ZFAND3: variants seen among roughly 807,000 people sequenced by gnomAD.
ZFAND3 encodes AN1-type zinc finger protein 3.
Under a neutral mutation model 29.6 loss-of-function variants are expected in ZFAND3, and 10 were observed. The ratio of observed to expected loss-of-function variants is 0.34; its 90% CI spans 0.21 to 0.57. The LOEUF is 0.57. ZFAND3 is among the 20% of genes least tolerant of loss of function. ZFAND3 has a pLI of 0.86. For missense variants in ZFAND3, 230 were observed against 304.5 expected (o/e 0.76, Z 1.82); for synonymous variants, 128 against 112.6 (o/e 1.14, Z -0.87).
chr6:38,128,679 TGAGTA>T (rs1478563048), intron 5 of ZFAND3, among the ~76,000 whole-genome samples: 1,366 of 68,926 alleles, frequency 0.02, 17 homozygotes, highest in African/African-American at 0.062. Context: ...CATTTATGGC[TGAGTA>T]TTACTCCATC....
At chr6:38,078,601 G>A (rs535945181) in intron 3 of ZFAND3, among the ~76,000 whole-genome samples, 144 of 152,308 alleles carry the variant, frequency 9.5e-4, no homozygotes, top group Non-Finnish European at 1.6e-3. Flanking sequence ...AAGGAACTTT[G>A]TAATTTTTTT....
At chr6:37,836,119 A>G (rs757519359) in intron 1 of ZFAND3, among the ~76,000 whole-genome samples, 11 of 152,342 alleles carry the variant, frequency 7.2e-5, no homozygotes, top group Non-Finnish European at 1.5e-4. Context: ...GTAGAGTCAC[A>G]TAAGAAGTAT....
intron 1 of ZFAND3, among the ~76,000 whole-genome samples, chr6:37,922,778 T>TA (rs1001699299): frequency 6.6e-6 from 1 of 152,110 alleles, no homozygotes; most frequent in Non-Finnish European, 1.5e-5. Context: ...GCATGAAAGA[T>TA]AAAAAAGTGT....
rs577748498 is a variant in ZFAND3, at chr6:37,846,571, A to G, written c.71+26555A>G. On this transcript the variant is annotated intron_variant, in intron 1 of 5. Coordinates refer to ENST00000287218, the MANE Select transcript of ZFAND3 (RefSeq NM_021943.3). ...AATTGCACGCTTTGACTACTCTTGGACGTTGCAGATATTTACTCCTTAACA... is the reference window on the plus strand; with the variant it reads ...AATTGCACGCTTTGACTACTCTTGGGCGTTGCAGATATTTACTCCTTAACA... Among the ~76,000 whole-genome samples the G allele has an allele frequency of 9.2e-5, 14 of 152,284 alleles. 1 individual carries two copies. In the South Asian group the frequency reaches 2.7e-3, roughly 29 times the overall value.
chr6:38,047,033 C>T (rs1022324999), intron 2 of ZFAND3, among the ~76,000 whole-genome samples: 3 of 151,856 alleles, frequency 2.0e-5, no homozygotes, highest in Admixed American at 6.6e-5. Context: ...GTTTGAAATA[C>T]GACTTCTGGC....
At position 38,152,955 on chromosome 6, in the gene ZFAND3, G is replaced by A; in HGVS notation, c.*566G>A. On this transcript the variant is annotated 3_prime_UTR_variant, in exon 6 of 6. Transcript: ENST00000287218. ...TCACTCTCCCACAGAGCTGGAAATG[G>A]GGGGTGGGGGACAGATTCTTACGGA... 1.0e-6 allele frequency: 1 copy of A among 985,930 alleles called. No homozygotes were observed. Among genetic ancestry groups the A allele is most frequent in the South Asian group, 4.7e-5 (1 of 21,292 alleles). The allele number at this position is 985,930 out of a possible 1,614,324, so 61.1% of individuals were successfully genotyped here.
At chr6:37,846,637 A>G (rs1027524314) in intron 1 of ZFAND3, among the ~76,000 whole-genome samples, 4 of 152,058 alleles carry the variant, frequency 2.6e-5, no homozygotes, top group East Asian at 3.9e-4. Flanking sequence ...TCATCTAGAA[A>G]GAGGTGGAGC....
intron 5 of ZFAND3, among the ~76,000 whole-genome samples, chr6:38,148,896 C>T (rs527753780): frequency 1.9e-4 from 29 of 152,296 alleles, no homozygotes; most frequent in African/African-American, 6.7e-4. Context: ...AAGAATTGAG[C>T]TTAATTTATG....
chr6:38,135,813 C>A (rs760703221), intron 5 of ZFAND3, among the ~76,000 whole-genome samples: 1 of 152,014 alleles, frequency 6.6e-6, no homozygotes, highest in African/African-American at 2.4e-5. Flanking sequence ...GAGGTACACA[C>A]GTAAGAGCTG....
intron 5 of ZFAND3, among the ~76,000 whole-genome samples, chr6:38,126,503 T>C (rs747842709): frequency 3.7e-4 from 57 of 152,354 alleles, no homozygotes; most frequent in South Asian, 6.2e-4. Context: ...TCATTTTATA[T>C]TCCCATTAGC....
intron 1 of ZFAND3, among the ~76,000 whole-genome samples, chr6:37,848,647 G>A (rs887488801): frequency 4.6e-5 from 7 of 152,156 alleles, no homozygotes; most frequent in Non-Finnish European, 7.3e-5. Flanking sequence ...TTGAGTTGTC[G>A]TAACTTAAAC....
intron 2 of ZFAND3, among the ~76,000 whole-genome samples, chr6:37,942,521 T>C (rs1417309387): frequency 1.3e-5 from 2 of 152,152 alleles, no homozygotes; most frequent in Non-Finnish European, 2.9e-5. Flanking sequence ...TGTCAGCCTC[T>C]TTTTATTTTT....
chr6:38,144,218 A>ATTT (rs1554183997), intron 5 of ZFAND3, among the ~76,000 whole-genome samples: 4 of 31,446 alleles, frequency 1.3e-4, no homozygotes, highest in South Asian at 1.4e-3. Context: ...TATAATATAT[A>ATTT]ATATATATAT....
intron 5 of ZFAND3, among the ~76,000 whole-genome samples, chr6:38,136,369 C>T (rs1229542592): frequency 6.6e-6 from 1 of 152,170 alleles, no homozygotes; most frequent in African/African-American, 2.4e-5. Context: ...CTAAAATGTA[C>T]AGTGCCTGGG....
At chr6:38,017,410 A>G (rs528788516) in intron 2 of ZFAND3, among the ~76,000 whole-genome samples, 19 of 152,298 alleles carry the variant, frequency 1.2e-4, no homozygotes, top group Non-Finnish European at 7.4e-5. Flanking sequence ...ATTTGAAGCT[A>G]GTTATTAGTG....
chr6:37,974,554 G>A (rs913840217), intron 2 of ZFAND3, among the ~76,000 whole-genome samples: 7 of 151,932 alleles, frequency 4.6e-5, no homozygotes, highest in African/African-American at 1.2e-4. Context: ...ACAGGCGTGC[G>A]CTCCAACACC....
At position 37,953,506 on chromosome 6, in the gene ZFAND3, G is replaced by T. The variant is rs1484128323; in HGVS notation, c.112+23507G>T. Among the ~76,000 whole-genome samples the T allele has an allele frequency of 5.6e-5, 8 of 143,588 alleles. No individual in the cohort carries two copies. The Admixed American group carries it at 5.8e-4, about 10-fold the overall frequency. 94.2% of individuals were successfully genotyped at this position (143,588 alleles called of 152,430 possible). A position where few individuals can be genotyped will look rare whatever the true frequency, so the allele number is the denominator to read the frequency against. ...CTTGCTCTCTTGCTGAGGCTGGAGT[G>T]CAGTGGTGTGATCATGGCTCACTGC... is the stretch of plus-strand genomic sequence containing the variant. On this transcript the variant is annotated intron_variant, in intron 2 of 5. Coordinates refer to ENST00000287218, the MANE Select transcript of ZFAND3 (RefSeq NM_021943.3).
chr6:37,830,393 G>A (rs1363163485), intron 1 of ZFAND3, among the ~76,000 whole-genome samples: 1 of 152,208 alleles, frequency 6.6e-6, no homozygotes, highest in Non-Finnish European at 1.5e-5. Flanking sequence ...TAATTAATGT[G>A]AAAAGGTGGT....
intron 2 of ZFAND3, among the ~76,000 whole-genome samples, chr6:38,007,810 ATCAGTTTCCGTAGGTAC>A (rs1433056827): frequency 4.6e-5 from 7 of 152,210 alleles, no homozygotes; most frequent in African/African-American, 1.7e-4. Context: ...AGCAACCCAC[ATCAGTTTCCGTAGGTAC>A]TCACAAAGCT....
Sources: gnomAD v4.1 joint callset for allele counts (sites outside exome capture counted in the v4.1 genomes callset) on GRCh38, gnomAD v4.1.1 for gene constraint, MANE v1.5 for transcripts, NCBI Gene and HGNC (gene_info 2026-07-23, HGNC 2026-07-21) for gene names.